The following PPP2R2B variants were observed in gnomAD, a reference collection of about 807,000 sequenced individuals.
The protein encoded by PPP2R2B is protein phosphatase 2 regulatory subunit Bbeta, also known as serine/threonine-protein phosphatase 2A 55 kDa regulatory subunit B beta isoform.
In PPP2R2B, 5 loss-of-function variants were observed where a neutral mutation model predicts 46.0. That is an observed-to-expected ratio of 0.11 (90% CI 0.06 to 0.23). The LOEUF is 0.23. PPP2R2B is among the 10% of genes least tolerant of loss of function. PPP2R2B has a pLI of 1.00. For missense variants in PPP2R2B, 367 were observed against 575.0 expected (o/e 0.64, Z 3.70); for synonymous variants, 215 against 206.7 (o/e 1.04, Z -0.34).
intron 1 of PPP2R2B, among the ~76,000 whole-genome samples, chr5:146,958,375 G>A (rs12515940): frequency 7.5e-3 from 1,143 of 152,188 alleles, no homozygotes; most frequent in Middle Eastern, 0.014. Context: ...TAGTAGATCT[G>A]CCTCCATGAG....
intron 2 of PPP2R2B, among the ~76,000 whole-genome samples, chr5:146,831,666 C>T (rs1758949940): frequency 6.6e-6 from 1 of 152,080 alleles, no homozygotes; most frequent in Non-Finnish European, 1.5e-5. Flanking sequence ...TGGCACATGC[C>T]TGTAATCCCA....
At position 147,002,496 on chromosome 5, in the gene PPP2R2B, A is replaced by G. The variant is rs537867362; in HGVS notation, c.79+53169T>C. Among the ~76,000 whole-genome samples the G allele has an allele frequency of 3.3e-5, 5 of 152,280 alleles. No individual in the cohort carries two copies. In the South Asian group the frequency reaches 1.0e-3, roughly 32 times the overall value. On this transcript the variant is annotated intron_variant, in intron 1 of 8. Coordinates refer to the PPP2R2B transcript ENST00000336640. ...TGGATAAAGTCCCAATACTAACAGGAGAATGCTTAGGACTCTAACAGGTTT... is the reference window on the plus strand; with the variant it reads ...TGGATAAAGTCCCAATACTAACAGGGGAATGCTTAGGACTCTAACAGGTTT...
At chr5:147,016,309 T>C (rs1419264281) in intron 1 of PPP2R2B, among the ~76,000 whole-genome samples, 4 of 151,292 alleles carry the variant, frequency 2.6e-5, no homozygotes, top group Non-Finnish European at 4.4e-5. Context: ...CACTCCTGCC[T>C]AGGTGACACA....
chr5:147,011,307 C>G (rs993503410), intron 1 of PPP2R2B, among the ~76,000 whole-genome samples: 1 of 151,936 alleles, frequency 6.6e-6, no homozygotes, highest in Non-Finnish European at 1.5e-5. Flanking sequence ...ATGCCCCCCC[C>G]ATCCCTACAT....
chr5:146,782,587 A>C (rs1755597715), intron 2 of PPP2R2B, among the ~76,000 whole-genome samples: 1 of 152,182 alleles, frequency 6.6e-6, no homozygotes, highest in South Asian at 2.1e-4. Context: ...TAATTCTTGC[A>C]CAAGTCACAT....
chr5:146,820,580 T>TA (rs1306600048), intron 2 of PPP2R2B, among the ~76,000 whole-genome samples: 2 of 152,140 alleles, frequency 1.3e-5, no homozygotes, highest in African/African-American at 4.8e-5. Context: ...ATATTATATA[T>TA]AAAAAACGCC....
intron 2 of PPP2R2B, among the ~76,000 whole-genome samples, chr5:146,714,936 T>C (rs1229180477): frequency 2.0e-5 from 3 of 152,148 alleles, no homozygotes; most frequent in Admixed American, 1.3e-4. Context: ...AGGACTCTGT[T>C]CTTTTAGCTA....
chr5:146,759,092 A>G (rs991348691), intron 2 of PPP2R2B, among the ~76,000 whole-genome samples: 1 of 152,186 alleles, frequency 6.6e-6, no homozygotes, highest in African/African-American at 2.4e-5. Flanking sequence ...TAGAAGCTTC[A>G]AGCTTGTCTC....
chr5:147,033,025 A>T (rs1383923084), intron 1 of PPP2R2B, among the ~76,000 whole-genome samples: 2 of 152,212 alleles, frequency 1.3e-5, no homozygotes, highest in African/African-American at 4.8e-5. Context: ...CCACGCCAAC[A>T]TCTACTGTTT....
intron 2 of PPP2R2B, among the ~76,000 whole-genome samples, chr5:146,746,020 A>G (rs1480560198): frequency 6.6e-6 from 1 of 152,094 alleles, no homozygotes; most frequent in African/African-American, 2.4e-5. Flanking sequence ...TAGAGAACTC[A>G]TTTTGACTTT....
At position 146,594,349 on chromosome 5, in the gene PPP2R2B, C is replaced by T. The variant is rs1442902429; in HGVS notation, c.961-1287G>A. Among the ~76,000 whole-genome samples, 2 of 152,194 alleles carry T rather than the reference C, an allele frequency of 1.3e-5. 1 individual carries two copies. The stretch of plus-strand genomic sequence containing the variant: ...TTGGACATGTATGTCAAATAAGGCT[C>T]ATCAAGCATAGTTGAATATTTTTCT... On this transcript the variant is annotated intron_variant, in intron 8 of 9. Transcript: ENST00000394411.
intron 4 of PPP2R2B, among the ~76,000 whole-genome samples, chr5:146,697,301 T>G (rs2151161838): frequency 6.6e-6 from 1 of 152,318 alleles, no homozygotes; most frequent in South Asian, 2.1e-4. Context: ...TAGCAAGGAT[T>G]TAAGAACCTG....
intron 1 of PPP2R2B, among the ~76,000 whole-genome samples, chr5:146,962,349 T>A (rs1752208279): frequency 1.3e-5 from 2 of 151,664 alleles, no homozygotes; most frequent in South Asian, 4.2e-4. Flanking sequence ...AAAGAGAATG[T>A]GTGTGCATTA....
intron 1 of PPP2R2B, among the ~76,000 whole-genome samples, chr5:147,012,497 T>C (rs1346183319): frequency 3.3e-5 from 5 of 152,070 alleles, no homozygotes; most frequent in East Asian, 1.9e-4. Context: ...TGCTAGTGGT[T>C]TATCAATTTT....
intron 1 of PPP2R2B, among the ~76,000 whole-genome samples, chr5:146,996,715 G>C (rs1052963561): frequency 6.6e-6 from 1 of 152,162 alleles, no homozygotes; most frequent in Admixed American, 6.5e-5. Context: ...TATGGTACCT[G>C]GGTGAGGACA....
chr5:147,055,613 C>A, intron 1 of PPP2R2B: 1 of 1,506,940 alleles, frequency 6.6e-7, no homozygotes, highest in Non-Finnish European at 9.2e-7. Flanking sequence ...GGAAGTCAGA[C>A]ACCAGCCCAC....
At chr5:147,037,704 A>G (rs768865675) in intron 1 of PPP2R2B, among the ~76,000 whole-genome samples, 1 of 152,106 alleles carries the variant, frequency 6.6e-6, no homozygotes, top group Non-Finnish European at 1.5e-5. Context: ...GTGAGGAGGG[A>G]TGAGTCAGAC....
chr5:146,975,144 A>G (rs1204667424), intron 1 of PPP2R2B, among the ~76,000 whole-genome samples: 1 of 152,066 alleles, frequency 6.6e-6, no homozygotes, highest in East Asian at 1.9e-4. Context: ...GAAACTCTAT[A>G]CTCACTAAAC....
intron 5 of PPP2R2B, among the ~76,000 whole-genome samples, chr5:146,677,458 T>C (rs1394484550): frequency 6.6e-6 from 1 of 151,992 alleles, no homozygotes; most frequent in Non-Finnish European, 1.5e-5. Flanking sequence ...CGGTTCAGGA[T>C]TGCTTTATTT....
Sources: gnomAD v4.1 joint callset for allele counts (sites outside exome capture counted in the v4.1 genomes callset) on GRCh38, gnomAD v4.1.1 for gene constraint, MANE v1.5 for transcripts, NCBI Gene and HGNC (gene_info 2026-07-23, HGNC 2026-07-21) for gene names.